Variants in LARGE1 observed in about 807,000 individuals in gnomAD.
The protein encoded by LARGE1 is xylosyl- and glucuronyltransferase LARGE1.
Under a neutral mutation model 87.6 loss-of-function variants are expected in LARGE1, and 43 were observed. The observed-to-expected ratio is 0.49, with a 90% CI of 0.38 to 0.63. The LOEUF (loss-of-function observed/expected upper bound fraction) is 0.63. Among genes scored for constraint, LARGE1 ranks in the 30% least tolerant of loss-of-function variants. The probability of loss-of-function intolerance (pLI) is 0.00; values close to 1 mark genes in which losing one functional copy is unlikely to be tolerated. For synonymous variants in LARGE1, 434 were observed against 394.6 expected (o/e 1.10, Z -1.18); for missense variants, 802 against 1,000.2 (o/e 0.80, Z 2.67).
chr22:33,417,473 A>G (rs1487304060), intron 7 of LARGE1, among the ~76,000 whole-genome samples: 1 of 152,242 alleles, frequency 6.6e-6, no homozygotes, highest in Non-Finnish European at 1.5e-5. Flanking sequence ...CATAGGAACA[A>G]AGAAAACAAG....
intron 2 of LARGE1, among the ~76,000 whole-genome samples, chr22:33,736,953 T>C (rs2083676763): frequency 1.3e-5 from 2 of 152,214 alleles, no homozygotes; most frequent in South Asian, 4.1e-4. Flanking sequence ...GCAAGTTCTC[T>C]GCCTCAATGT....
At chr22:33,454,448 T>C (rs767395931) in intron 6 of LARGE1, among the ~76,000 whole-genome samples, 4 of 151,378 alleles carry the variant, frequency 2.6e-5, no homozygotes, top group Non-Finnish European at 5.9e-5. Flanking sequence ...TGAAATCCCG[T>C]CTCTACTGAA....
Position 33,176,086 on chromosome 22 carries a change from A to G in LARGE1, c.1731-9254T>C, listed in dbSNP as rs556549088. ...CCCTATTTAATAAATGATGCTGGGA[A>G]AACTGACTAGTCATATGCAGAAAAC... On this transcript the variant is annotated intron_variant, in intron 11 of 11. Transcript: ENST00000608642. Among the ~76,000 whole-genome samples the G allele has an allele frequency of 7.2e-5, 11 of 152,322 alleles. No individual in the cohort carries two copies. In the South Asian group the frequency reaches 1.9e-3, roughly 26 times the overall value.
At chr22:33,508,542 ACT>A (rs2070875383) in intron 6 of LARGE1, among the ~76,000 whole-genome samples, 1 of 152,118 alleles carries the variant, frequency 6.6e-6, no homozygotes, top group African/African-American at 2.4e-5. Context: ...TTCTCGCGAC[ACT>A]CTCACCAAAT....
Position 33,384,198 on chromosome 22 carries a change from A to T in LARGE1, c.999T>A (p.Ala333=), listed in dbSNP as rs2065250578. 1.2e-6 allele frequency: 2 copies of T among 1,612,852 alleles called. No homozygotes were observed. Among genetic ancestry groups the T allele is most frequent in the South Asian group, 2.2e-5 (2 of 91,066 alleles). Residue 333 remains alanine, a synonymous_variant, in exon 8 of 15, where the codon GCT becomes GCA. Coordinates refer to ENST00000397394, the MANE Select transcript of LARGE1 (RefSeq NM_133642.5). ...TTCGAACCTGGCCACTCACCTGGTC[A>T]GCTAAGGATGTAGAGAGCATGCCCA... The part of the protein sequence containing the change: ...ELMGMLSTSL[A]DQDIFNAVIK...
chr22:33,579,783 G>C (rs1053516754), intron 5 of LARGE1, among the ~76,000 whole-genome samples: 20 of 152,304 alleles, frequency 1.3e-4, no homozygotes, highest in African/African-American at 4.8e-4. Flanking sequence ...AGTACCAAGT[G>C]ATTCTTAGGT....
rs455010 is a variant in LARGE1, at chr22:33,775,667, C to T, written c.-82-14109G>A. 4.8e-3 allele frequency among the ~76,000 whole-genome samples: 736 copies of T among 152,164 alleles called. 7 individuals are homozygous for T. Among genetic ancestry groups the T allele is most frequent in the African/African-American group, 0.017 (706 of 41,500 alleles). On this transcript the variant is annotated intron_variant, in intron 1 of 14. Coordinates refer to ENST00000397394, the MANE Select transcript of LARGE1 (RefSeq NM_133642.5). ...AGGAGTTCGAGACCAGCCTGGCCAA[C>T]ATGGTGAAACCCCATCTCTACTAAA...
chr22:33,874,506 T>C (rs952825865), intron 1 of LARGE1, among the ~76,000 whole-genome samples: 4 of 152,248 alleles, frequency 2.6e-5, no homozygotes, highest in African/African-American at 7.2e-5. Context: ...GCTATGTTTA[T>C]TATTTTAAAT....
At chr22:33,470,641 T>C (rs1269316122) in intron 6 of LARGE1, among the ~76,000 whole-genome samples, 1 of 152,184 alleles carries the variant, frequency 6.6e-6, no homozygotes, top group African/African-American at 2.4e-5. Flanking sequence ...GGGCCCCTCA[T>C]TCCTCTCGTC....
At chr22:33,785,256 TGTGTATATGTGCATATGTGTATATATAC>T (rs2085602496) in intron 1 of LARGE1, among the ~76,000 whole-genome samples, 1 of 151,932 alleles carries the variant, frequency 6.6e-6, no homozygotes, top group Non-Finnish European at 1.5e-5. Context: ...TATATATGCA[TGTGTATATGTGCATATGTGTATATATAC>T]GTATATATGT....
At chr22:33,760,234 CCT>C (rs1264446381) in intron 2 of LARGE1, among the ~76,000 whole-genome samples, 1 of 152,088 alleles carries the variant, frequency 6.6e-6, no homozygotes, top group East Asian at 1.9e-4. Flanking sequence ...ACTGCCGTTC[CCT>C]CTCTCTCTGA....
chr22:33,233,219 C>G (rs1446920891), intron 11 of LARGE1, among the ~76,000 whole-genome samples: 1 of 151,982 alleles, frequency 6.6e-6, no homozygotes, highest in African/African-American at 2.4e-5. Flanking sequence ...GGAGAGGTAA[C>G]TTCCGGGTAT....
At chr22:33,447,460 C>T (rs2067729397) in intron 6 of LARGE1, among the ~76,000 whole-genome samples, 1 of 152,148 alleles carries the variant, frequency 6.6e-6, no homozygotes, top group Non-Finnish European at 1.5e-5. Context: ...GCTTGTCTCC[C>T]CTGTGATCCA....
intron 12 of LARGE1, 21 bp from the exon 13 acceptor site, chr22:33,283,369 G>A: frequency 6.2e-7 from 1 of 1,614,108 alleles, no homozygotes; most frequent in Non-Finnish European, 8.5e-7. Flanking sequence ...GGGACAGGCA[G>A]AGAGACAGAG....
chr22:33,605,945 T>C (rs1416140604), intron 4 of LARGE1, among the ~76,000 whole-genome samples: 1 of 151,894 alleles, frequency 6.6e-6, no homozygotes, highest in Non-Finnish European at 1.5e-5. Flanking sequence ...TAAAGGGAAA[T>C]GCAGGACTTT....
chr22:33,431,802 C>T (rs1258025982), intron 7 of LARGE1, among the ~76,000 whole-genome samples: 8 of 152,098 alleles, frequency 5.3e-5, no homozygotes, highest in East Asian at 1.9e-4. Flanking sequence ...AGTACATATC[C>T]GTTGTGTTAA....
chr22:33,247,047 A>ATGTGTGTGTGTGTGTG (rs10532057), intron 11 of LARGE1, among the ~76,000 whole-genome samples: 11 of 146,282 alleles, frequency 7.5e-5, no homozygotes, highest in African/African-American at 2.7e-4. Flanking sequence ...TGCAGCCAGT[A>ATGTGTGTGTGTGTGTG]TGTGTGTGTG....
intron 11 of LARGE1, among the ~76,000 whole-genome samples, chr22:33,250,456 A>T (rs113491804): frequency 1.8e-4 from 28 of 152,304 alleles, no homozygotes; most frequent in African/African-American, 6.5e-4. Flanking sequence ...CAATCATGTC[A>T]TCTGTGAACA....
intron 10 of LARGE1, among the ~76,000 whole-genome samples, chr22:33,326,635 G>T (rs918752396): frequency 6.6e-6 from 1 of 152,200 alleles, no homozygotes; most frequent in Non-Finnish European, 1.5e-5. Context: ...ACATGAGGCA[G>T]CCTCATTCCA....
Sources: allele counts gnomAD v4.1 joint callset (sites outside exome capture counted in the v4.1 genomes callset), GRCh38; gene constraint gnomAD v4.1.1; transcripts MANE v1.5; gene names NCBI Gene and HGNC (gene_info 2026-07-23, HGNC 2026-07-21).